The following LBHD2 variants were observed in gnomAD, a reference collection of about 807,000 sequenced individuals.
LBHD2 encodes LBH domain-containing protein 2.
At chr14:103,089,410 C>T (rs531983384) in intron 3 of LBHD2, among the ~76,000 whole-genome samples, 26 of 152,226 alleles carry the variant, frequency 1.7e-4, no homozygotes, top group East Asian at 3.9e-4. Context: ...GACCACCACT[C>T]GGGTAACCCC....
chr14:103,087,192 G>T (rs964366683), intron 2 of LBHD2, among the ~76,000 whole-genome samples: 1 of 152,244 alleles, frequency 6.6e-6, no homozygotes, highest in African/African-American at 2.4e-5. Flanking sequence ...CACACTTGAG[G>T]GTCACATATG....
chr14:103,087,642 T>G (rs1428762408), intron 2 of LBHD2, among the ~76,000 whole-genome samples: 1 of 152,194 alleles, frequency 6.6e-6, no homozygotes, highest in Non-Finnish European at 1.5e-5. Flanking sequence ...CCATGGCAAC[T>G]GCTTCCCAGC....
chr14:103,089,851 G>C lies in LBHD2; in HGVS notation c.*54G>C, dbSNP rs1889689317. The stretch of plus-strand genomic sequence containing the variant: ...TGACTGCTGAGGGCCTCTGCCCCAG[G>C]GTGGCCGGGCTGATGCACAGGAGGG... On this transcript the variant is annotated 3_prime_UTR_variant, in exon 4 of 4. Coordinates refer to ENST00000634353, the MANE Select transcript of LBHD2 (RefSeq NM_001330236.2). 1 of 398,384 alleles carries C rather than the reference G, an allele frequency of 2.5e-6. No individual in the cohort carries two copies. The highest frequency in any genetic ancestry group is 4.4e-5 in the Admixed American group (1 of 22,716). The allele number at this position is 398,384 out of a possible 1,614,324, so 24.7% of individuals were successfully genotyped here.
At chr14:103,087,402 C>T (rs1315545469) in intron 2 of LBHD2, among the ~76,000 whole-genome samples, 1 of 152,218 alleles carries the variant, frequency 6.6e-6, no homozygotes, top group African/African-American at 2.4e-5. Flanking sequence ...GAGCTCCAGG[C>T]AGGGCCATCT....
chr14:103,084,521 C>T (rs957071511), intron 1 of LBHD2, among the ~76,000 whole-genome samples, 174 bp downstream of exon 1: 2 of 152,094 alleles, frequency 1.3e-5, no homozygotes, highest in Admixed American at 6.5e-5. Context: ...GATCCCGCGG[C>T]GCTGGGGGTG....
intron 2 of LBHD2, among the ~76,000 whole-genome samples, chr14:103,087,070 A>C (rs1044994904): frequency 6.6e-6 from 1 of 152,210 alleles, no homozygotes; most frequent in Non-Finnish European, 1.5e-5. Flanking sequence ...TGCCAGCATG[A>C]GGGTGGCCCC....
At chr14:103,086,188 G>C (rs1157956954) in intron 2 of LBHD2, 107 bp downstream of exon 2, 4 of 397,832 alleles carry the variant, frequency 1.0e-5, no homozygotes, top group Non-Finnish European at 1.8e-5. Flanking sequence ...TACCCATCTG[G>C]GTGGGGGAGA....
chr14:103,085,506 C>T (rs932531422), intron 1 of LBHD2, among the ~76,000 whole-genome samples: 14 of 152,268 alleles, frequency 9.2e-5, no homozygotes, highest in East Asian at 1.9e-4. Flanking sequence ...GGGCCTGGCC[C>T]GGGGTGTGCA....
chr14:103,088,473 C>A (rs545710674), intron 3 of LBHD2, among the ~76,000 whole-genome samples: 2 of 152,392 alleles, frequency 1.3e-5, no homozygotes, highest in South Asian at 4.1e-4. Flanking sequence ...GGTCCCTCAT[C>A]CACTCTCAGC....
intron 2 of LBHD2, among the ~76,000 whole-genome samples, chr14:103,087,456 G>T (rs1182863933): frequency 2.0e-5 from 3 of 152,228 alleles, no homozygotes; most frequent in African/African-American, 7.2e-5. Flanking sequence ...GGCAAGTCAG[G>T]GCCACCGGGG....
Position 103,085,958 on chromosome 14 carries a change from C to A in LBHD2, c.-37-18C>A. ...TCCAGCATCAGGCCAACAGCAGACACCCCATTTCTGCTCCCAGTCCTCGTG... is the reference window on the plus strand; with the variant it reads ...TCCAGCATCAGGCCAACAGCAGACAACCCATTTCTGCTCCCAGTCCTCGTG... On this transcript the variant is annotated intron_variant, in intron 1 of 3. Coordinates refer to ENST00000634353, the MANE Select transcript of LBHD2 (RefSeq NM_001330236.2). 2.5e-6 allele frequency: 1 copy of A among 398,580 alleles called. No homozygotes were observed. Among genetic ancestry groups the A allele is most frequent in the Non-Finnish European group, 4.4e-6 (1 of 226,036 alleles). 24.7% of individuals were successfully genotyped at this position (398,580 alleles called of 1,614,324 possible).
chr14:103,087,501 G>C (rs1299664700), intron 2 of LBHD2, among the ~76,000 whole-genome samples: 1 of 152,252 alleles, frequency 6.6e-6, no homozygotes, highest in East Asian at 1.9e-4. Flanking sequence ...TAGCACTGCA[G>C]CCTCAAAGAC....
chr14:103,085,329 C>T (rs995622894), intron 1 of LBHD2, among the ~76,000 whole-genome samples: 3 of 152,224 alleles, frequency 2.0e-5, no homozygotes, highest in South Asian at 2.1e-4. Context: ...CCACACGGCC[C>T]GAGCGCAGGT....
rs550501870 is a variant in LBHD2, at chr14:103,087,030, G to A, written c.69+949G>A. Among the ~76,000 whole-genome samples, 18 of 152,366 alleles carry A rather than the reference G, an allele frequency of 1.2e-4. No homozygotes were observed. In the South Asian group the frequency reaches 3.7e-3, roughly 32 times the overall value. ...GAATGGCACGTGGGGAGGGAGAGCA[G>A]GCTGGGGGATGAGCCCCCCTGGCTG... On this transcript the variant is annotated intron_variant, in intron 2 of 3. Coordinates refer to ENST00000634353, the MANE Select transcript of LBHD2 (RefSeq NM_001330236.2).
At chr14:103,089,197 C>T (rs983650167) in intron 3 of LBHD2, among the ~76,000 whole-genome samples, 3 of 152,102 alleles carry the variant, frequency 2.0e-5, no homozygotes, top group Non-Finnish European at 4.4e-5. Flanking sequence ...GGAGTCTATT[C>T]CCTGAGGAGG....
rs905079977 is a variant in LBHD2, at chr14:103,089,719, A to G, written c.249A>G (p.Gly83=). The G allele has an allele frequency of 2.5e-6, 1 of 398,634 alleles. No individual in the cohort carries two copies. Among genetic ancestry groups the G allele is most frequent in the Non-Finnish European group, 4.4e-6 (1 of 226,080 alleles). 24.7% of individuals were successfully genotyped at this position (398,634 alleles called of 1,614,324 possible). A position where few individuals can be genotyped will look rare whatever the true frequency, so the allele number is the denominator to read the frequency against. The change falls in exon 4 of 4, where the codon GGA becomes GGG. Residue 83 remains glycine, a synonymous_variant. Coordinates refer to ENST00000634353, the MANE Select transcript of LBHD2 (RefSeq NM_001330236.2). ...AAAAPSPSLP[G]EPGKAADNAG... ...CAGCCCCCTCGCCGAGTCTGCCCGG[A>G]GAACCAGGGAAAGCTGCAGATAACG...
chr14:103,084,223 G>GCCAGCGGAGCGCGGAGGCC lies in LBHD2; in HGVS notation c.-155_-137dup, dbSNP rs1889600723. Reference sequence around the variant, plus strand: ...GGAGAGCGAGCCGGGAGAGCGCGGAGCCAGCGGAGCGCGGAGGCCCCAGCG... The same window carrying GCCAGCGGAGCGCGGAGGCC: ...GGAGAGCGAGCCGGGAGAGCGCGGAGCCAGCGGAGCGCGGAGGCCCCAGCGGAGCGCGGAGGCCCCAGCG... On this transcript the variant is annotated 5_prime_UTR_variant, in exon 1 of 4. Transcript: ENST00000634353. The GCCAGCGGAGCGCGGAGGCC allele has an allele frequency of 6.6e-6, 1 of 152,360 alleles. No homozygotes were observed. The highest frequency in any genetic ancestry group is 1.5e-5 in the Non-Finnish European group (1 of 68,208). The allele number at this position is 152,360 out of a possible 1,614,324, so 9.4% of individuals were successfully genotyped here.
At position 103,085,987 on chromosome 14, in the gene LBHD2, C is replaced by T; in HGVS notation, c.-26C>T. Reference sequence around the variant, plus strand: ...ATTTCTGCTCCCAGTCCTCGTGCAGCTTAGTGGCGCAGTGGCGGCAGCAGC... The same window carrying T: ...ATTTCTGCTCCCAGTCCTCGTGCAGTTTAGTGGCGCAGTGGCGGCAGCAGC... On this transcript the variant is annotated 5_prime_UTR_variant, in exon 2 of 4. Transcript: ENST00000634353. 2.5e-6 allele frequency: 1 copy of T among 398,730 alleles called. No homozygotes were observed. 24.7% of individuals were successfully genotyped at this position (398,730 alleles called of 1,614,324 possible).
At chr14:103,086,477 C>T (rs1437526850) in intron 2 of LBHD2, among the ~76,000 whole-genome samples, 1 of 152,204 alleles carries the variant, frequency 6.6e-6, no homozygotes, top group South Asian at 2.1e-4. Flanking sequence ...TCCCAAAGTG[C>T]TGGGATTACA....
Sources: gnomAD v4.1 joint callset for allele counts (sites outside exome capture counted in the v4.1 genomes callset) on GRCh38, gnomAD v4.1.1 for gene constraint, MANE v1.5 for transcripts, NCBI Gene and HGNC (gene_info 2026-07-23, HGNC 2026-07-21) for gene names.